HEMK2: variants seen among roughly 807,000 people sequenced by gnomAD.
The protein encoded by HEMK2 is HemK methyltransferase 2, ETF1 glutamine and histone H4 lysine.
At chr21:28,836,931 A>G in the HEMK2 span, among the ~76,000 whole-genome samples, 39,467 of 152,172 alleles carry the variant, frequency 0.26, 5,880 homozygotes, top group African/African-American at 0.4. Context: ...GAAACATTAT[A>G]TAATGGTAAA....
the HEMK2 span, among the ~76,000 whole-genome samples, chr21:28,867,119 A>T: frequency 6.6e-6 from 1 of 152,224 alleles, no homozygotes; most frequent in Admixed American, 6.5e-5. Context: ...GTAAAATGAA[A>T]CATAATTGTA....
chr21:28,732,768 G>T, the HEMK2 span, among the ~76,000 whole-genome samples: 16 of 152,244 alleles, frequency 1.1e-4, no homozygotes, highest in South Asian at 3.1e-3. Context: ...CTGCTCAGAG[G>T]GAAAGACTCT....
chr21:28,631,113 A>G, the HEMK2 span, among the ~76,000 whole-genome samples: 1 of 152,104 alleles, frequency 6.6e-6, no homozygotes, highest in African/African-American at 2.4e-5. Flanking sequence ...AGATATTCCA[A>G]AACTGACATA....
chr21:28,847,416 A>T, the HEMK2 span, among the ~76,000 whole-genome samples: 1 of 152,204 alleles, frequency 6.6e-6, no homozygotes, highest in African/African-American at 2.4e-5. Flanking sequence ...CCATGGTTAC[A>T]TCTTCTTCTG....
chr21:28,793,524 G>T, the HEMK2 span, among the ~76,000 whole-genome samples: 1 of 152,206 alleles, frequency 6.6e-6, no homozygotes. Context: ...ACTGATAAAA[G>T]TAAGTGGTTA....
the HEMK2 span, chr21:28,878,369 C>G: frequency 3.7e-6 from 6 of 1,609,616 alleles, no homozygotes; most frequent in Non-Finnish European, 5.1e-6. Context: ...TCTTTTAACT[C>G]AAGTTTGATT....
the HEMK2 span, among the ~76,000 whole-genome samples, chr21:28,608,657 T>TC: frequency 6.6e-6 from 1 of 152,066 alleles, no homozygotes; most frequent in African/African-American, 2.4e-5. Flanking sequence ...TAGCCTTGAG[T>TC]AAGTTCTCAG....
the HEMK2 span, among the ~76,000 whole-genome samples, chr21:28,715,547 GT>G: frequency 5.3e-5 from 8 of 151,996 alleles, no homozygotes; most frequent in African/African-American, 1.9e-4. Context: ...TTAGACCTTT[GT>G]AGGATGCATA....
chr21:28,625,800 T>C, the HEMK2 span, among the ~76,000 whole-genome samples: 170 of 151,368 alleles, frequency 1.1e-3, no homozygotes, highest in African/African-American at 3.5e-3. Context: ...TTAAGGTAGA[T>C]AGGGAATGAT....
At chr21:28,801,420 G>A in the HEMK2 span, among the ~76,000 whole-genome samples, 1 of 151,934 alleles carries the variant, frequency 6.6e-6, no homozygotes, top group Non-Finnish European at 1.5e-5. Context: ...TATAATCTTG[G>A]AGTTGTAAAA....
the HEMK2 span, among the ~76,000 whole-genome samples, chr21:28,766,914 C>T: frequency 0.43 from 65,703 of 151,338 alleles, 15,534 homozygotes; most frequent in African/African-American, 0.61. Context: ...ACTGCTTGGG[C>T]AATGGGTGGA....
chr21:28,737,455 A>G, the HEMK2 span, among the ~76,000 whole-genome samples: 2 of 152,090 alleles, frequency 1.3e-5, no homozygotes, highest in Admixed American at 6.6e-5. Context: ...CTTATTATAA[A>G]ATGTTTTTGA....
chr21:28,614,848 C>T, the HEMK2 span, among the ~76,000 whole-genome samples: 2 of 152,034 alleles, frequency 1.3e-5, no homozygotes, highest in African/African-American at 4.8e-5. Context: ...AAGTGGTTCT[C>T]TTTTTGAGTT....
At chr21:28,651,958 G>A in the HEMK2 span, among the ~76,000 whole-genome samples, 319 of 152,190 alleles carry the variant, frequency 2.1e-3, no homozygotes, top group African/African-American at 7.1e-3. Context: ...TCCCCTAAGC[G>A]TGGAATAGAA....
chr21:28,869,389 T>C, the HEMK2 span, among the ~76,000 whole-genome samples: 2 of 151,116 alleles, frequency 1.3e-5, no homozygotes, highest in Non-Finnish European at 3.0e-5. Context: ...TCTTTTTTCC[T>C]CTATGTGAAT....
At chr21:28,866,412 G>A in the HEMK2 span, among the ~76,000 whole-genome samples, 3 of 149,958 alleles carry the variant, frequency 2.0e-5, no homozygotes, top group African/African-American at 7.4e-5. Flanking sequence ...TCATGTCACT[G>A]CACTCCAGCC....
the HEMK2 span, among the ~76,000 whole-genome samples, chr21:28,705,329 C>G: frequency 1.0e-5 from 1 of 98,174 alleles, no homozygotes; most frequent in Middle Eastern, 5.2e-3. Flanking sequence ...TTTTTTACTA[C>G]TTTTCTTTTC....
the HEMK2 span, among the ~76,000 whole-genome samples, chr21:28,869,178 A>G: frequency 6.6e-6 from 1 of 152,206 alleles, no homozygotes; most frequent in Admixed American, 6.5e-5. Context: ...TGCCAAGTGT[A>G]TTGAATTTCA....
the HEMK2 span, among the ~76,000 whole-genome samples, chr21:28,831,954 TATC>T: frequency 6.6e-6 from 1 of 152,192 alleles, no homozygotes; most frequent in Non-Finnish European, 1.5e-5. Context: ...TTTACTAAAA[TATC>T]ATATTTGTAG....
Sources: allele counts gnomAD v4.1 joint callset (sites outside exome capture counted in the v4.1 genomes callset), GRCh38; gene constraint gnomAD v4.1.1; transcripts MANE v1.5; gene names NCBI Gene and HGNC (gene_info 2026-07-23, HGNC 2026-07-21).